Variants in PCDHGA3 observed in about 807,000 individuals in gnomAD.
The protein encoded by PCDHGA3 is protocadherin gamma subfamily A, 3.
A neutral mutation model predicts 58.5 loss-of-function variants in PCDHGA3; 40 were observed. That is an observed-to-expected ratio of 0.68 (90% CI 0.53 to 0.89). The LOEUF (loss-of-function observed/expected upper bound fraction) is 0.89. Ranked by LOEUF, PCDHGA3 falls within the 40% of genes least tolerant of loss-of-function variation. PCDHGA3 has a pLI of 0.00. For synonymous variants in PCDHGA3, 530 were observed against 525.7 expected (o/e 1.01, Z -0.11); for missense variants, 1,223 against 1,195.9 (o/e 1.02, Z -0.33).
At chr5:141,449,948 C>T (rs1294423807) in intron 1 of PCDHGA3, among the ~76,000 whole-genome samples, 1 of 151,034 alleles carries the variant, frequency 6.6e-6, no homozygotes, top group Non-Finnish European at 1.5e-5. Context: ...TTTTACTATA[C>T]CTCATAGTAA....
chr5:141,457,959 T>C (rs1426112930), intron 1 of PCDHGA3, among the ~76,000 whole-genome samples: 3 of 152,208 alleles, frequency 2.0e-5, no homozygotes, highest in Admixed American at 2.0e-4. Flanking sequence ...CAAGCTTGAT[T>C]CCTTAAAGGG....
chr5:141,366,656 G>T lies in PCDHGA3; in HGVS notation c.2424+20199G>T, dbSNP rs377532961. On this transcript the variant is annotated intron_variant, in intron 1 of 3. Transcript: ENST00000253812. Reference sequence around the variant, plus strand: ...CCTGATCTTTCCCCAGCCCAACTACGCAGACACGCTCCTTAGTGAAGAGAG... The same window carrying T: ...CCTGATCTTTCCCCAGCCCAACTACTCAGACACGCTCCTTAGTGAAGAGAG... The T allele has an allele frequency of 2.9e-5, 47 of 1,614,238 alleles. No individual in the cohort carries two copies. Among genetic ancestry groups the T allele is most frequent in the Non-Finnish European group, 3.7e-5 (44 of 1,180,046 alleles).
In PCDHGA3 at chr5:141,490,378, G is replaced by A; in HGVS notation, c.2425-4429G>A. On this transcript the variant is annotated intron_variant, in intron 1 of 3. Transcript: ENST00000253812. The surrounding 1 kb of genome is among the most constrained non-coding windows in gnomAD (Gnocchi z 5.4). The stretch of plus-strand genomic sequence containing the variant: ...GTTTAATGTGCGAGACCGGGACTCA[G>A]GTAGAAATGGTGAAGTGAGCCTTGA... 1 of 1,614,214 alleles carries A rather than the reference G, an allele frequency of 6.2e-7. No homozygotes were observed. The highest frequency in any genetic ancestry group is 1.1e-5 in the South Asian group (1 of 91,086).
chr5:141,394,077 G>T (rs2092915591), intron 1 of PCDHGA3: 2 of 1,613,828 alleles, frequency 1.2e-6, no homozygotes, highest in Non-Finnish European at 1.7e-6. Context: ...CAATATCACA[G>T]TGATGGCCTC....
chr5:141,435,990 T>C (rs1175877769), intron 1 of PCDHGA3, among the ~76,000 whole-genome samples: 1 of 152,162 alleles, frequency 6.6e-6, no homozygotes, highest in Non-Finnish European at 1.5e-5. Flanking sequence ...TTGTGTGATT[T>C]TTTGAAAGAA....
chr5:141,410,629 C>A (rs1393614526), intron 1 of PCDHGA3: 1 of 1,601,482 alleles, frequency 6.2e-7, no homozygotes, highest in East Asian at 2.2e-5. Context: ...CGGTGAGTTT[C>A]TCTTTTTTGT....
rs1365133001 is a variant in PCDHGA3 at position 141,477,683 on chromosome 5, G to A, written c.2425-17124G>A. ...TGACAATGGCATAGTGTCATCCTTA[G>A]TGCCCCTAGACTATGAGGATCGGCG... On this transcript the variant is annotated intron_variant, in intron 1 of 3. Transcript: ENST00000253812. This position sits in a 1 kb window ranked among gnomAD's most constrained non-coding sequence, Gnocchi z 4.9. 1.2e-6 allele frequency: 2 copies of A among 1,614,176 alleles called. No homozygotes were observed. The highest frequency in any genetic ancestry group is 3.3e-5 in the Admixed American group (2 of 60,028).
chr5:141,497,812 T>C (rs947015544), intron 2 of PCDHGA3, among the ~76,000 whole-genome samples: 2 of 152,202 alleles, frequency 1.3e-5, no homozygotes, highest in African/African-American at 4.8e-5. Flanking sequence ...AGTGCTAGAA[T>C]TACAGGTGTG....
Position 141,346,291 on chromosome 5 carries a change from A to T in PCDHGA3, c.2258A>T (p.Tyr753Phe). Residue 753 changes from tyrosine to phenylalanine, a missense_variant, in exon 1 of 4, where the codon TAT becomes TTT. Physicochemically the swap from Tyr to Phe is conservative, Grantham distance 22 (BLOSUM62 3). Around this residue, in one of 3 missense-constraint regions of PCDHGA3, gnomAD observed 325 missense variants for 327.5 expected, o/e 0.99. Transcript: ENST00000253812. The part of the protein sequence containing the change: ...ADGVRAFLQT[Y>F]SHEVSLTADS... ...GGGGTTCGGGCTTTCCTGCAGACCT[A>T]TTCCCACGAGGTCTCCCTCACTGCG... The T allele has an allele frequency of 6.2e-7, 1 of 1,614,148 alleles. No homozygotes were observed. Among genetic ancestry groups the T allele is most frequent in the Non-Finnish European group, 8.5e-7 (1 of 1,180,010 alleles).
At chr5:141,387,675 C>G in intron 1 of PCDHGA3, 1 of 729,278 alleles carries the variant, frequency 1.4e-6, no homozygotes, top group Non-Finnish European at 2.2e-6. Flanking sequence ...CAGATCTCCT[C>G]GCGCAGCCGC....
rs1349189547 is a variant in PCDHGA3 at position 141,432,777 on chromosome 5, C to A, written c.2425-62030C>A. 1.2e-6 allele frequency: 2 copies of A among 1,614,154 alleles called. No individual in the cohort carries two copies. The highest frequency in any genetic ancestry group is 1.3e-5 in the African/African-American group (1 of 75,062). ...GCCGACAGCATCCCCCAAGTCCTGGCGGACCTCGGCAGCCTCGAGTCTCCA... is the reference window on the plus strand; with the variant it reads ...GCCGACAGCATCCCCCAAGTCCTGGAGGACCTCGGCAGCCTCGAGTCTCCA... On this transcript the variant is annotated intron_variant, in intron 1 of 3. Transcript: ENST00000253812. This position sits in a 1 kb window ranked among gnomAD's most constrained non-coding sequence, Gnocchi z 6.0.
Position 141,421,488 on chromosome 5 carries a change from G to A in PCDHGA3, c.2425-73319G>A. On this transcript the variant is annotated intron_variant, in intron 1 of 3. Transcript: ENST00000253812. ...ATCCGCGAAGCGGCAGCTTGATCAC[G>A]GCAGGCAGGATAGACCGGGAGGAGC... The A allele has an allele frequency of 1.9e-6, 3 of 1,614,100 alleles. No homozygotes were observed. In the South Asian group the frequency reaches 3.3e-5, roughly 18 times the overall value.
intron 2 of PCDHGA3, among the ~76,000 whole-genome samples, chr5:141,498,277 G>T (rs1216561939): frequency 6.6e-6 from 1 of 151,924 alleles, no homozygotes; most frequent in African/African-American, 2.4e-5. Flanking sequence ...CAGTAAACTT[G>T]GTTCAAGATC....
intron 1 of PCDHGA3, among the ~76,000 whole-genome samples, chr5:141,483,652 G>A (rs746306843): frequency 2.0e-5 from 3 of 151,916 alleles, no homozygotes; most frequent in Non-Finnish European, 4.4e-5. Context: ...GTGTGTTTGT[G>A]TGTGTGTGTG....
At chr5:141,437,460 T>C (rs2097886220) in intron 1 of PCDHGA3, among the ~76,000 whole-genome samples, 1 of 152,230 alleles carries the variant, frequency 6.6e-6, no homozygotes, top group South Asian at 2.1e-4. Flanking sequence ...GAGACTATAC[T>C]ATACTTTTAT....
chr5:141,476,317 G>T lies in PCDHGA3; in HGVS notation c.2425-18490G>T, dbSNP rs759809060. ...GTAGCCTCTCAGCCCGCAGGTTCCG[G>T]GTGGTGTCTGGAGCTAGCCGAAGAT... On this transcript the variant is annotated intron_variant, in intron 1 of 3. Transcript: ENST00000253812. This position sits in a 1 kb window ranked among gnomAD's most constrained non-coding sequence, Gnocchi z 7.6. 1.9e-6 allele frequency: 3 copies of T among 1,614,170 alleles called. No individual in the cohort carries two copies. The highest frequency in any genetic ancestry group is 1.7e-5 in the Admixed American group (1 of 60,024).
chr5:141,487,127 A>T lies in PCDHGA3; in HGVS notation c.2425-7680A>T. ...GGTCATTGTGGTAAAGGATAGTGGT[A>T]GTCCACCACTCTCTACCTCTGTTAC... On this transcript the variant is annotated intron_variant, in intron 1 of 3. Coordinates refer to ENST00000253812, the MANE Select transcript of PCDHGA3 (RefSeq NM_018916.4). The surrounding 1 kb of genome is among the most constrained non-coding windows in gnomAD (Gnocchi z 5.0). 6.2e-7 allele frequency: 1 copy of T among 1,613,334 alleles called. No individual in the cohort carries two copies. Among genetic ancestry groups the T allele is most frequent in the Admixed American group, 1.7e-5 (1 of 60,026 alleles).
At chr5:141,393,297 G>T (rs376887343) in intron 1 of PCDHGA3, 3 of 1,613,934 alleles carry the variant, frequency 1.9e-6, no homozygotes, top group Non-Finnish European at 1.7e-6. Context: ...TGACCCGGAT[G>T]TGGGCGTGAA....
chr5:141,438,681 G>T (rs2098050580), intron 1 of PCDHGA3, among the ~76,000 whole-genome samples: 1 of 142,154 alleles, frequency 7.0e-6, no homozygotes, highest in South Asian at 2.3e-4. Context: ...TGGAGTAGGG[G>T]ATGGAGTCTT....
Sources: gnomAD v4.1 joint callset for allele counts (sites outside exome capture counted in the v4.1 genomes callset) on GRCh38, gnomAD v4.1.1 for gene constraint, gnomAD v4.1.1 regional missense constraint, Gnocchi (gnomAD v3.1) non-coding constraint, MANE v1.5 for transcripts, NCBI Gene and HGNC (gene_info 2026-07-23, HGNC 2026-07-21) for gene names.